NBEA: variants seen among roughly 807,000 people sequenced by gnomAD.
NBEA encodes the protein neurobeachin, also known as lysosomal-trafficking regulator 2.
In NBEA, 44 loss-of-function variants were observed where a neutral mutation model predicts 343.4. The observed-to-expected ratio is 0.13, with a 90% confidence interval of 0.10 to 0.16. The LOEUF is 0.16. Among genes scored for constraint, NBEA ranks in the 10% least tolerant of loss-of-function variants. The probability of loss-of-function intolerance (pLI) is 1.00; values close to 1 mark genes in which losing one functional copy is unlikely to be tolerated. For synonymous variants in NBEA, 1,175 were observed against 1,238.7 expected (o/e 0.95, Z 1.08); for missense variants, 2,555 against 3,631.3 (o/e 0.70, Z 7.62).
chr13:35,400,690 T>G (rs2042962991), intron 38 of NBEA, among the ~76,000 whole-genome samples: 1 of 151,972 alleles, frequency 6.6e-6, no homozygotes, highest in Non-Finnish European at 1.5e-5. Context: ...TATTATTCCA[T>G]TTGTAGTCTG....
chr13:35,495,013 A>AAAAAG (rs757003291), intron 41 of NBEA, among the ~76,000 whole-genome samples: 1 of 151,956 alleles, frequency 6.6e-6, no homozygotes, highest in Non-Finnish European at 1.5e-5. Context: ...TCTGTCAAAA[A>AAAAAG]AAAAGAAAAG....
chr13:35,512,480 G>A (rs1045608371), intron 41 of NBEA, among the ~76,000 whole-genome samples: 3 of 152,170 alleles, frequency 2.0e-5, no homozygotes, highest in Non-Finnish European at 4.4e-5. Flanking sequence ...CAGCTTTAGG[G>A]ACCAACTGCT....
chr13:34,974,826 A>T (rs929216097), intron 1 of NBEA, among the ~76,000 whole-genome samples: 1 of 152,180 alleles, frequency 6.6e-6, no homozygotes, highest in Non-Finnish European at 1.5e-5. Context: ...GCAATATTCT[A>T]CCAGTTAGCA....
intron 35 of NBEA, among the ~76,000 whole-genome samples, chr13:35,306,833 T>G (rs958651133): frequency 6.6e-5 from 10 of 152,094 alleles, no homozygotes. Flanking sequence ...TTTTGCAATC[T>G]TAAAAATGTG....
intron 10 of NBEA, among the ~76,000 whole-genome samples, chr13:35,072,542 TTTTGTTTG>T (rs141162226): frequency 1.3e-5 from 2 of 152,062 alleles, no homozygotes; most frequent in Admixed American, 6.6e-5. Flanking sequence ...CTATTATGTC[TTTTGTTTG>T]TTTGTTTGTT....
chr13:35,595,795 GC>G (rs1017826087), intron 47 of NBEA, among the ~76,000 whole-genome samples: 6 of 152,024 alleles, frequency 3.9e-5, no homozygotes, highest in African/African-American at 1.2e-4. Context: ...CCTTCCCCGT[GC>G]CCCCTACACC....
At chr13:35,218,482 C>T (rs529696422) in intron 33 of NBEA, among the ~76,000 whole-genome samples, 108 of 152,022 alleles carry the variant, frequency 7.1e-4, no homozygotes, top group African/African-American at 2.5e-3. Context: ...AAAATCCTTG[C>T]ACCTTTTAAT....
At position 35,209,104 on chromosome 13, in the gene NBEA, A is replaced by G. The variant is rs528776953; in HGVS notation, c.5521+250A>G. ...ACAGTGCTGTTTATTTTCAGAGTGA[A>G]ATCAGATTACTGAAAGATATTTGGG... On this transcript the variant is annotated intron_variant, in intron 32 of 58. Transcript: ENST00000379939. Among the ~76,000 whole-genome samples the G allele has an allele frequency of 2.0e-5, 3 of 152,248 alleles. No homozygotes were observed. The East Asian group carries it at 5.8e-4, about 29-fold the overall frequency.
chr13:35,081,005 A>G (rs940895990), intron 10 of NBEA, among the ~76,000 whole-genome samples: 3 of 152,184 alleles, frequency 2.0e-5, no homozygotes, highest in Non-Finnish European at 4.4e-5. Flanking sequence ...GTTTATCAGT[A>G]GGGCTTTTTA....
intron 34 of NBEA, among the ~76,000 whole-genome samples, chr13:35,279,928 T>C (rs149251820): frequency 6.6e-6 from 1 of 152,276 alleles, no homozygotes; most frequent in East Asian, 1.9e-4. Flanking sequence ...GGAGAAGTTA[T>C]CCATTTCTCC....
At chr13:35,198,129 G>A (rs1183072244) in intron 31 of NBEA, among the ~76,000 whole-genome samples, 1 of 152,062 alleles carries the variant, frequency 6.6e-6, no homozygotes, top group Non-Finnish European at 1.5e-5. Flanking sequence ...CATTCATATA[G>A]TGATGTTCCC....
intron 1 of NBEA, among the ~76,000 whole-genome samples, chr13:34,960,800 A>G (rs936903923): frequency 2.0e-5 from 3 of 152,120 alleles, no homozygotes; most frequent in Non-Finnish European, 4.4e-5. Flanking sequence ...TACAACAACA[A>G]AATCAACTAA....
chr13:35,166,632 CT>C (rs1451477031), intron 24 of NBEA, among the ~76,000 whole-genome samples: 26 of 152,144 alleles, frequency 1.7e-4, no homozygotes, highest in Middle Eastern at 3.4e-3. Context: ...GAATTGCTTC[CT>C]TAAGAGAAAT....
In NBEA at chr13:35,047,793, G is replaced by C. The variant is rs377246557; in HGVS notation, c.724-770G>C. Among the ~76,000 whole-genome samples the C allele has an allele frequency of 4.0e-3, 10 of 2,492 alleles. No homozygotes were observed. The South Asian group carries it at 0.1, about 25-fold the overall frequency. 1.6% of individuals were successfully genotyped at this position (2,492 alleles called of 152,430 possible). On this transcript the variant is annotated intron_variant, in intron 4 of 58. Transcript: ENST00000379939. ...TTGTATTTGAGAAAGGCCATTATCA[G>C]CAACATGAAAGATCTATTTGAGGAT... is the stretch of plus-strand genomic sequence containing the variant.
chr13:35,431,460 T>C (rs891674576), intron 38 of NBEA, among the ~76,000 whole-genome samples: 2 of 152,216 alleles, frequency 1.3e-5, no homozygotes, highest in Non-Finnish European at 2.9e-5. Flanking sequence ...ATGAAATGTT[T>C]CATTGGCTAT....
intron 31 of NBEA, among the ~76,000 whole-genome samples, chr13:35,197,529 T>C (rs933633384): frequency 3.3e-5 from 5 of 151,974 alleles, no homozygotes; most frequent in East Asian, 1.9e-4. Context: ...CTTTTTTTTT[T>C]GTTTTTGAGA....
At chr13:35,129,311 A>G (rs2067291304) in intron 17 of NBEA, among the ~76,000 whole-genome samples, 1 of 152,214 alleles carries the variant, frequency 6.6e-6, no homozygotes, top group African/African-American at 2.4e-5. Context: ...AAATATGTCA[A>G]AAATCCTATT....
rs1384230839 is a variant in NBEA, at chr13:35,308,592, G to GTATATATA, written c.5839-929_5839-928insATATATAT. Reference sequence around the variant, plus strand: ...TATATATATGTATATATGTATATATGTATATATGTATATATGTATATATAT... The same window carrying GTATATATA: ...TATATATATGTATATATGTATATATGTATATATATATATATGTATATATGTATATATAT... On this transcript the variant is annotated intron_variant, in intron 35 of 58. Coordinates refer to ENST00000379939, the MANE Select transcript of NBEA (RefSeq NM_001385012.1). 2.3e-5 allele frequency among the ~76,000 whole-genome samples: 3 copies of GTATATATA among 131,760 alleles called. No homozygotes were observed. In the East Asian group the frequency reaches 6.3e-4, roughly 28 times the overall value. 86.4% of individuals were successfully genotyped at this position (131,760 alleles called of 152,430 possible). A position where few individuals can be genotyped will look rare whatever the true frequency, so the allele number is the denominator to read the frequency against.
intron 39 of NBEA, among the ~76,000 whole-genome samples, chr13:35,439,422 G>A (rs540450564): frequency 6.6e-6 from 1 of 152,182 alleles, no homozygotes; most frequent in Non-Finnish European, 1.5e-5. Flanking sequence ...TTATGAATTT[G>A]CCAGGTTATC....
Sources: gnomAD v4.1 joint callset for allele counts (sites outside exome capture counted in the v4.1 genomes callset) on GRCh38, gnomAD v4.1.1 for gene constraint, MANE v1.5 for transcripts, NCBI Gene and HGNC (gene_info 2026-07-23, HGNC 2026-07-21) for gene names.